Variants in RBFOX1 observed in about 807,000 individuals in gnomAD.
RBFOX1 encodes RNA binding fox-1 homolog 1, also known as RNA binding protein fox-1 homolog 1.
In RBFOX1, 8 loss-of-function variants were observed where a neutral mutation model predicts 57.7. The ratio of observed to expected loss-of-function variants is 0.14; its 90% CI spans 0.08 to 0.25. The LOEUF (loss-of-function observed/expected upper bound fraction) is 0.25, where lower values mean the gene tolerates loss of function less well. Ranked by LOEUF, RBFOX1 falls within the 10% of genes least tolerant of loss-of-function variation. The pLI is 1.00. For missense variants in RBFOX1, 611 were observed against 548.5 expected, an observed-to-expected ratio of 1.11 and a Z score of -1.14; for synonymous variants, 326 against 222.4, an observed-to-expected ratio of 1.47 and a Z score of -4.15.
At chr16:6,393,995 A>G (rs1047823469) in intron 2 of RBFOX1, among the ~76,000 whole-genome samples, 3 of 152,200 alleles carry the variant, frequency 2.0e-5, no homozygotes, top group Non-Finnish European at 2.9e-5. Flanking sequence ...AGGCGTTTTC[A>G]TTTTGGAAAC....
At chr16:5,783,748 C>A (rs1490945940) in intron 3 of RBFOX1, among the ~76,000 whole-genome samples, 1 of 152,122 alleles carries the variant, frequency 6.6e-6, no homozygotes, top group African/African-American at 2.4e-5. Context: ...CAAAACTTAC[C>A]AAAAACCTCC....
At chr16:5,618,280 A>G (rs2048100777) in intron 3 of RBFOX1, among the ~76,000 whole-genome samples, 1 of 152,012 alleles carries the variant, frequency 6.6e-6, no homozygotes, top group Non-Finnish European at 1.5e-5. Flanking sequence ...CTGTGTGGGT[A>G]TATGCATGAG....
chr16:6,928,921 T>G (rs570951674), intron 3 of RBFOX1, among the ~76,000 whole-genome samples: 4 of 152,182 alleles, frequency 2.6e-5, no homozygotes, highest in African/African-American at 9.6e-5. Flanking sequence ...TTGTCAGATA[T>G]GGGGGCTTCA....
intron 3 of RBFOX1, among the ~76,000 whole-genome samples, chr16:5,779,962 C>G (rs2054274111): frequency 6.6e-6 from 1 of 152,166 alleles, no homozygotes. Flanking sequence ...AAAATATGTA[C>G]TAGTTTATAA....
chr16:6,302,428 T>A (rs934671333), intron 1 of RBFOX1, among the ~76,000 whole-genome samples: 1 of 152,210 alleles, frequency 6.6e-6, no homozygotes, highest in African/African-American at 2.4e-5. Flanking sequence ...GGAATTTTCT[T>A]TTGTCTTCTG....
intron 1 of RBFOX1, among the ~76,000 whole-genome samples, chr16:5,288,347 T>A (rs1170932541): frequency 6.6e-6 from 1 of 152,098 alleles, no homozygotes; most frequent in Non-Finnish European, 1.5e-5. Context: ...GAGCTGTGTC[T>A]ATGTTGGGGG....
intron 4 of RBFOX1, among the ~76,000 whole-genome samples, chr16:7,096,935 A>AAG (rs2061800407): frequency 6.9e-6 from 1 of 144,160 alleles, no homozygotes; most frequent in South Asian, 2.1e-4. Flanking sequence ...CCATCTCAAA[A>AAG]AAAAAAAAAA....
intron 4 of RBFOX1, among the ~76,000 whole-genome samples, chr16:7,260,726 C>G (rs926849784): frequency 6.6e-6 from 1 of 152,034 alleles, no homozygotes; most frequent in East Asian, 1.9e-4. Context: ...TGAAGGAGTC[C>G]AAAGCTTTTT....
intron 1 of RBFOX1, among the ~76,000 whole-genome samples, chr16:5,264,449 C>T (rs958333188): frequency 2.0e-4 from 31 of 152,082 alleles, no homozygotes; most frequent in African/African-American, 7.5e-4. Flanking sequence ...ATAAAATGTT[C>T]ATGGGTCAAG....
intron 1 of RBFOX1, among the ~76,000 whole-genome samples, chr16:6,122,820 G>GTGTGTGTGTGTGTGTGTGTC (rs1281559135): frequency 7.9e-5 from 12 of 151,930 alleles, no homozygotes; most frequent in African/African-American, 2.9e-4. Flanking sequence ...GTGTGTGTGT[G>GTGTGTGTGTGTGTGTGTGTC]TGTGTGTGTG....
chr16:7,046,851 G>A (rs1314632180), intron 3 of RBFOX1, among the ~76,000 whole-genome samples: 3 of 151,876 alleles, frequency 2.0e-5, no homozygotes, highest in South Asian at 2.1e-4. Flanking sequence ...GGTGATCTGC[G>A]AGCCTCGGTC....
At chr16:6,414,597 C>A (rs150477077) in intron 2 of RBFOX1, among the ~76,000 whole-genome samples, 2 of 152,136 alleles carry the variant, frequency 1.3e-5, no homozygotes, top group Admixed American at 1.3e-4. Context: ...GGGTCTCATT[C>A]GATTCAAGCT....
chr16:7,559,521 A>G lies in RBFOX1; in HGVS notation c.271-20256A>G, dbSNP rs186584523. ...TCTTTTTAGGTGGAGGTTTTGATTC[A>G]GGGAAAACACAGGCCTTGCAAATTA... On this transcript the variant is annotated intron_variant, in intron 5 of 15. Transcript: ENST00000550418. Among the ~76,000 whole-genome samples, 176 of 152,302 alleles carry G rather than the reference A, an allele frequency of 1.2e-3. 1 individual carries two copies. The Middle Eastern group carries it at 0.017, about 15-fold the overall frequency.
intron 4 of RBFOX1, among the ~76,000 whole-genome samples, chr16:5,962,124 G>C (rs2059762168): frequency 6.6e-6 from 1 of 152,094 alleles, no homozygotes; most frequent in Non-Finnish European, 1.5e-5. Flanking sequence ...AGCAAAGAAG[G>C]CTGTATCTCC....
intron 4 of RBFOX1, among the ~76,000 whole-genome samples, chr16:7,068,583 A>G (rs1322125277): frequency 6.6e-6 from 1 of 152,028 alleles, no homozygotes; most frequent in Non-Finnish European, 1.5e-5. Flanking sequence ...TACTATTATT[A>G]TTATTATTAT....
chr16:6,693,399 C>G (rs1333310322), intron 3 of RBFOX1, among the ~76,000 whole-genome samples: 1 of 149,022 alleles, frequency 6.7e-6, no homozygotes, highest in Non-Finnish European at 1.5e-5. Context: ...ATCACCATCC[C>G]CATCCACTAC....
chr16:5,509,113 T>G (rs1002336281), intron 2 of RBFOX1, among the ~76,000 whole-genome samples: 7 of 152,116 alleles, frequency 4.6e-5, no homozygotes, highest in African/African-American at 1.7e-4. Flanking sequence ...AGAGGCACAG[T>G]GTGAGATGTA....
intron 2 of RBFOX1, among the ~76,000 whole-genome samples, chr16:6,645,150 T>G (rs1000868988): frequency 5.9e-5 from 9 of 152,192 alleles, no homozygotes; most frequent in African/African-American, 2.2e-4. Context: ...TGTCTTCACA[T>G]GGCTTTCTCT....
At chr16:5,812,926 A>G (rs1379804055) in intron 3 of RBFOX1, among the ~76,000 whole-genome samples, 1 of 151,934 alleles carries the variant, frequency 6.6e-6, no homozygotes, top group Non-Finnish European at 1.5e-5. Context: ...TATTTTGCCC[A>G]TTAGAAAATT....
Sources: gnomAD v4.1 joint callset for allele counts (sites outside exome capture counted in the v4.1 genomes callset) on GRCh38, gnomAD v4.1.1 for gene constraint, MANE v1.5 for transcripts, NCBI Gene and HGNC (gene_info 2026-07-23, HGNC 2026-07-21) for gene names.